The following ADAM7 variants were observed in gnomAD, a reference collection of about 807,000 sequenced individuals.
ADAM7 encodes ADAM metallopeptidase domain 7, also known as disintegrin and metalloproteinase domain-containing protein 7.
A neutral mutation model predicts 102.9 loss-of-function variants in ADAM7; 97 were observed. The observed-to-expected ratio is 0.94, with a 90% CI of 0.80 to 1.12. The LOEUF (loss-of-function observed/expected upper bound fraction) is 1.12, where lower values mean the gene tolerates loss of function less well. Ranked by LOEUF, ADAM7 falls within the 50% of genes most tolerant of loss-of-function variation. ADAM7 has a pLI of 0.00. For synonymous variants in ADAM7, 334 were observed against 304.4 expected, an observed-to-expected ratio of 1.10 and a Z score of -1.01; for missense variants, 991 against 908.7, an observed-to-expected ratio of 1.09 and a Z score of -1.16.
intron 3 of ADAM7, among the ~76,000 whole-genome samples, chr8:24,450,039 T>A (rs1051911530): frequency 6.6e-6 from 1 of 152,328 alleles, no homozygotes; most frequent in African/African-American, 2.4e-5. Context: ...ACCATGCTGT[T>A]TTGGTTACTG....
At position 24,442,592 on chromosome 8, in the gene ADAM7, T is replaced by C. The variant is rs1818412270; in HGVS notation, c.156+16T>C. 2 of 1,590,204 alleles carry C rather than the reference T, an allele frequency of 1.3e-6. No individual in the cohort carries two copies. The highest frequency in any genetic ancestry group is 1.7e-4 in the Middle Eastern group (1 of 6,034). ...TGACATACTGGTACAAGTTTTGATTTAGTAAATAAGATTTGTTGCTTTCAC... is the reference window on the plus strand; with the variant it reads ...TGACATACTGGTACAAGTTTTGATTCAGTAAATAAGATTTGTTGCTTTCAC... On this transcript the variant is annotated intron_variant, in intron 2 of 21. Transcript: ENST00000175238.
chr8:24,452,744 C>A (rs1343991298), intron 3 of ADAM7, among the ~76,000 whole-genome samples: 6 of 151,620 alleles, frequency 4.0e-5, no homozygotes, highest in East Asian at 1.9e-4. Context: ...TCTTCCTAGC[C>A]TCGATGGTCT....
chr8:24,480,536 C>A (rs985029458), intron 8 of ADAM7, among the ~76,000 whole-genome samples: 3 of 152,124 alleles, frequency 2.0e-5, no homozygotes, highest in Admixed American at 6.6e-5. Flanking sequence ...CCAAAACTAT[C>A]CAAGAATTTA....
In ADAM7 at chr8:24,467,008, C is replaced by T. The variant is rs1334989822; in HGVS notation, c.579+20C>T. On this transcript the variant is annotated intron_variant, in intron 6 of 21. Coordinates refer to ENST00000175238, the MANE Select transcript of ADAM7 (RefSeq NM_003817.4). ...ATAAAAGTGAGTACTTTATTATTATCTTTACCCCAAATGAAACACCTTTTA... is the reference window on the plus strand; with the variant it reads ...ATAAAAGTGAGTACTTTATTATTATTTTTACCCCAAATGAAACACCTTTTA... 1 of 1,590,884 alleles carries T rather than the reference C, an allele frequency of 6.3e-7. No homozygotes were observed. Among genetic ancestry groups the T allele is most frequent in the Non-Finnish European group, 8.6e-7 (1 of 1,162,456 alleles).
intron 16 of ADAM7, among the ~76,000 whole-genome samples, chr8:24,496,877 T>A (rs1170742206): frequency 6.6e-6 from 1 of 152,188 alleles, no homozygotes; most frequent in Admixed American, 6.5e-5. Flanking sequence ...AATGCTGAAA[T>A]GAGTTAAGAC....
intron 3 of ADAM7, among the ~76,000 whole-genome samples, chr8:24,462,294 G>C (rs1026424677): frequency 6.6e-6 from 1 of 152,190 alleles, no homozygotes; most frequent in Non-Finnish European, 1.5e-5. Context: ...TTTGTTTACA[G>C]AACTGAGGAT....
At chr8:24,441,468 C>A (rs896296282) in intron 1 of ADAM7, among the ~76,000 whole-genome samples, 7 of 152,210 alleles carry the variant, frequency 4.6e-5, no homozygotes, top group East Asian at 1.9e-4. Flanking sequence ...AAATTAATAT[C>A]TCCACTTTAC....
intron 3 of ADAM7, among the ~76,000 whole-genome samples, chr8:24,459,796 T>C (rs959662780): frequency 6.6e-5 from 10 of 152,174 alleles, no homozygotes; most frequent in Non-Finnish European, 1.0e-4. Context: ...TTGTAATTGG[T>C]TGTCTATTTA....
chr8:24,482,001 C>T lies in ADAM7; in HGVS notation c.706-141C>T, dbSNP rs542541711. 1.6e-5 allele frequency: 9 copies of T among 555,970 alleles called. No individual in the cohort carries two copies. The South Asian group carries it at 2.7e-4, about 17-fold the overall frequency. The allele number at this position is 555,970 out of a possible 1,614,324, so 34.4% of individuals were successfully genotyped here. The stretch of plus-strand genomic sequence containing the variant: ...TGTCCCATTTTGATATATCTGTTTG[C>T]AACATGAGGCTTGCACTGTTTACTA... On this transcript the variant is annotated intron_variant, in intron 8 of 21. Coordinates refer to ENST00000175238, the MANE Select transcript of ADAM7 (RefSeq NM_003817.4).
rs370351261 is a variant in ADAM7 at position 24,505,345 on chromosome 8, C to T, written c.2209-2135C>T. ...TGGTTTTTTGGTTAAATGAGGGGCA[C>T]CTAGAAGAGAAGATGAATAAATATC... is the stretch of plus-strand genomic sequence containing the variant. On this transcript the variant is annotated intron_variant, in intron 20 of 21. Transcript: ENST00000175238. Among the ~76,000 whole-genome samples the T allele has an allele frequency of 9.9e-5, 15 of 151,866 alleles. No homozygotes were observed. In the East Asian group the frequency reaches 1.2e-3, roughly 12 times the overall value.
intron 3 of ADAM7, among the ~76,000 whole-genome samples, chr8:24,460,270 G>C (rs1158979045): frequency 1.3e-5 from 2 of 151,682 alleles, no homozygotes; most frequent in Non-Finnish European, 2.9e-5. Context: ...AATTAGTTTG[G>C]TCCTGATTTT....
At position 24,493,102 on chromosome 8, in the gene ADAM7, A is replaced by G. The variant is rs1563393699; in HGVS notation, c.1715A>G (p.Glu572Gly). 1.9e-6 allele frequency: 3 copies of G among 1,612,028 alleles called. No individual in the cohort carries two copies. The highest frequency in any genetic ancestry group is 2.5e-6 in the Non-Finnish European group (3 of 1,179,150). Residue 572 changes from glutamate (E) to glycine (G), a missense_variant, in exon 16 of 22, where the codon GAA becomes GGA. Glu to Gly is a moderately conservative substitution (Grantham distance 98). Coordinates refer to ENST00000175238, the MANE Select transcript of ADAM7 (RefSeq NM_003817.4). ...TGGELSSLLG[E>G]DKTYHLKDPQ... ...GGGGAGCTTTCCTCTCTCCTTGGAG[A>G]AGACAAGACTTATCACCTTAAGGAT...
chr8:24,441,666 G>C (rs924606765), intron 1 of ADAM7, among the ~76,000 whole-genome samples: 4 of 152,126 alleles, frequency 2.6e-5, no homozygotes, highest in Admixed American at 1.3e-4. Context: ...TGACTATCAA[G>C]GTGATAGGAC....
At chr8:24,463,836 T>C (rs1278353641) in intron 3 of ADAM7, 46 bp from the exon 4 acceptor site, 1 of 1,521,884 alleles carries the variant, frequency 6.6e-7, no homozygotes, top group Admixed American at 1.7e-5. Flanking sequence ...ATCTGTCAGG[T>C]TTTTAGAACG....
chr8:24,445,275 C>T (rs1818513488), intron 2 of ADAM7, among the ~76,000 whole-genome samples: 1 of 152,136 alleles, frequency 6.6e-6, no homozygotes, highest in African/African-American at 2.4e-5. Flanking sequence ...GTTTCTTGGC[C>T]TCCCACGTGG....
intron 4 of ADAM7, among the ~76,000 whole-genome samples, chr8:24,465,376 T>G (rs1020840280): frequency 6.6e-6 from 1 of 152,090 alleles, no homozygotes; most frequent in Non-Finnish European, 1.5e-5. Flanking sequence ...CGTAAAAATT[T>G]TAGGGTGGAT....
chr8:24,441,130 T>C lies in ADAM7; in HGVS notation c.22T>C (p.Leu8=). ...CAGAATGCTTCCCGGGTGTATATTC[T>C]TGATGATTTTACTCATTCCTCAGGT... is the stretch of plus-strand genomic sequence containing the variant. MLPGCIF[L]MILLIPQVKE... The change falls in exon 1 of 22, where the codon TTG becomes CTG. Residue 8 remains leucine (L), a synonymous_variant. Transcript: ENST00000175238. 6.2e-7 allele frequency: 1 copy of C among 1,613,894 alleles called. No homozygotes were observed. The highest frequency in any genetic ancestry group is 1.1e-5 in the South Asian group (1 of 91,076).
At chr8:24,506,143 A>G in intron 20 of ADAM7, 2 of 1,549,218 alleles carry the variant, frequency 1.3e-6, no homozygotes, top group East Asian at 2.4e-5. Context: ...TCAAGTCCCC[A>G]CTACATCACA....
chr8:24,507,350 T>C, intron 20 of ADAM7, 130 bp from the exon 21 acceptor site: 1 of 656,888 alleles, frequency 1.5e-6, no homozygotes, highest in Non-Finnish European at 2.7e-6. Context: ...GGATTTTTCA[T>C]GGAGCAAGCA....
Sources: allele counts gnomAD v4.1 joint callset (sites outside exome capture counted in the v4.1 genomes callset), GRCh38; gene constraint gnomAD v4.1.1; transcripts MANE v1.5; gene names NCBI Gene and HGNC (gene_info 2026-07-23, HGNC 2026-07-21).